PTPRD: variants seen among roughly 807,000 people sequenced by gnomAD.
PTPRD encodes the protein receptor-type tyrosine-protein phosphatase delta.
In PTPRD, 34 loss-of-function variants were observed where a neutral mutation model predicts 214.5. That is an observed-to-expected ratio of 0.16 (90% confidence interval 0.12 to 0.21). The LOEUF is 0.21. Ranked by LOEUF, PTPRD falls within the 10% of genes least tolerant of loss-of-function variation. The pLI, the probability that PTPRD is intolerant of heterozygous loss-of-function variation, is 1.00. For missense variants in PTPRD, 2,545 were observed against 2,398.7 expected (o/e 1.06, Z -1.27); for synonymous variants, 1,128 against 845.7 (o/e 1.33, Z -5.79).
chr9:8,443,558 T>C (rs925761457), intron 34 of PTPRD, among the ~76,000 whole-genome samples: 5 of 152,190 alleles, frequency 3.3e-5, no homozygotes, highest in African/African-American at 4.8e-5. Context: ...CAAAACATAT[T>C]AAGGTCATCC....
intron 8 of PTPRD, among the ~76,000 whole-genome samples, chr9:9,479,574 T>A (rs995228729): frequency 1.3e-5 from 2 of 152,162 alleles, no homozygotes; most frequent in Non-Finnish European, 2.9e-5. Context: ...ATTAACTTGC[T>A]TTTTCTATAT....
chr9:9,038,751 T>G (rs2099630126), intron 10 of PTPRD, among the ~76,000 whole-genome samples: 1 of 151,960 alleles, frequency 6.6e-6, no homozygotes, highest in South Asian at 2.1e-4. Context: ...GAGATGGGAT[T>G]TCACCATGTT....
intron 11 of PTPRD, among the ~76,000 whole-genome samples, chr9:8,870,275 C>G (rs1325460297): frequency 6.6e-6 from 1 of 151,982 alleles, no homozygotes; most frequent in Non-Finnish European, 1.5e-5. Context: ...ACAGACCCCT[C>G]AAAATAACCT....
At chr9:10,076,824 C>T (rs998858935) in intron 3 of PTPRD, among the ~76,000 whole-genome samples, 5 of 152,146 alleles carry the variant, frequency 3.3e-5, no homozygotes, top group African/African-American at 1.2e-4. Flanking sequence ...GCTAAATAAA[C>T]CTAGCGCACA....
At chr9:9,106,181 T>C (rs1166556559) in intron 10 of PTPRD, among the ~76,000 whole-genome samples, 1 of 152,086 alleles carries the variant, frequency 6.6e-6, no homozygotes, top group South Asian at 2.1e-4. Context: ...TTCAGGTACA[T>C]AGTTTCATTT....
chr9:9,501,607 G>A (rs1452864498), intron 8 of PTPRD, among the ~76,000 whole-genome samples: 2 of 151,854 alleles, frequency 1.3e-5, no homozygotes, highest in Non-Finnish European at 2.9e-5. Context: ...CTGGAGAATA[G>A]ATTTTCTTTC....
At chr9:8,853,712 G>C (rs907045211) in intron 11 of PTPRD, among the ~76,000 whole-genome samples, 6 of 152,184 alleles carry the variant, frequency 3.9e-5, no homozygotes, top group Admixed American at 3.3e-4. Flanking sequence ...CAATCTTGTA[G>C]TTCACAGAGA....
At chr9:9,088,939 C>T (rs979845246) in intron 10 of PTPRD, among the ~76,000 whole-genome samples, 2 of 152,058 alleles carry the variant, frequency 1.3e-5, no homozygotes, top group African/African-American at 4.8e-5. Context: ...TATTGTAAAA[C>T]ACCTAGGACT....
intron 14 of PTPRD, among the ~76,000 whole-genome samples, chr9:8,570,389 A>C (rs920954799): frequency 6.6e-6 from 1 of 152,170 alleles, no homozygotes; most frequent in African/African-American, 2.4e-5. Flanking sequence ...TTTCAAAAGC[A>C]ACAATTTAAT....
intron 2 of PTPRD, among the ~76,000 whole-genome samples, chr9:10,353,792 G>A (rs185808875): frequency 1.4e-4 from 21 of 151,924 alleles, no homozygotes; most frequent in South Asian, 1.0e-3. Context: ...AAAAAAAGGC[G>A]TTGGAATAAT....
intron 10 of PTPRD, among the ~76,000 whole-genome samples, chr9:9,047,904 T>C (rs922861802): frequency 1.1e-4 from 16 of 152,032 alleles, no homozygotes. Context: ...TTAAAAACCA[T>C]TCTCAAAGCA....
chr9:9,582,781 GC>G (rs1413171183), intron 7 of PTPRD, among the ~76,000 whole-genome samples: 2 of 151,906 alleles, frequency 1.3e-5, no homozygotes, highest in African/African-American at 4.8e-5. Flanking sequence ...TTCTGAACCT[GC>G]TATAATGTAT....
At chr9:9,333,504 T>TTTTATATATATATATATATATATA (rs544075539) in intron 9 of PTPRD, among the ~76,000 whole-genome samples, 3 of 137,248 alleles carry the variant, frequency 2.2e-5, no homozygotes, top group African/African-American at 8.8e-5. Context: ...ATATAGTATA[T>TTTTATATATATATATATATATATA]TATATATATA....
At chr9:10,280,656 T>A (rs1010625537) in intron 3 of PTPRD, among the ~76,000 whole-genome samples, 19 of 152,096 alleles carry the variant, frequency 1.2e-4, no homozygotes, top group Non-Finnish European at 2.4e-4. Flanking sequence ...TAGGCTGGAG[T>A]GCTGTGGCAC....
chr9:10,097,862 A>G (rs1223512277), intron 3 of PTPRD, among the ~76,000 whole-genome samples: 1 of 151,616 alleles, frequency 6.6e-6, no homozygotes, highest in Non-Finnish European at 1.5e-5. Flanking sequence ...TCAGTATGAT[A>G]TTGGCTGTAG....
rs1457919044 is a variant in PTPRD, at chr9:9,344,768, A to T, written c.-203+52681T>A. On this transcript the variant is annotated intron_variant, in intron 9 of 45. Transcript: ENST00000381196. Reference sequence around the variant, plus strand: ...AATATATTTAATATTTTTTATTTTGAAAAAGTTTTATAATTTATTTAAAAA... The same window carrying T: ...AATATATTTAATATTTTTTATTTTGTAAAAGTTTTATAATTTATTTAAAAA... Among the ~76,000 whole-genome samples the T allele has an allele frequency of 6.4e-4, 97 of 152,054 alleles. 1 individual carries two copies. Among genetic ancestry groups the T allele is most frequent in the Non-Finnish European group, 7.4e-5 (5 of 68,010 alleles).
chr9:10,595,799 T>C (rs1162369792), intron 2 of PTPRD, among the ~76,000 whole-genome samples: 2 of 151,754 alleles, frequency 1.3e-5, no homozygotes, highest in African/African-American at 4.8e-5. Flanking sequence ...AAGCTAATAT[T>C]CCATTATATA....
chr9:10,145,471 T>C (rs1252099409), intron 3 of PTPRD, among the ~76,000 whole-genome samples: 1 of 152,168 alleles, frequency 6.6e-6, no homozygotes, highest in African/African-American at 2.4e-5. Context: ...TATTTTCTCT[T>C]ACTTATAGTT....
intron 12 of PTPRD, among the ~76,000 whole-genome samples, chr9:8,663,576 C>A (rs1358202519): frequency 1.3e-5 from 2 of 152,026 alleles, no homozygotes; most frequent in African/African-American, 2.4e-5. Flanking sequence ...CTGCAACCTA[C>A]GCCTTCTGGG....
Sources: allele counts gnomAD v4.1 joint callset (sites outside exome capture counted in the v4.1 genomes callset), GRCh38; gene constraint gnomAD v4.1.1; transcripts MANE v1.5; gene names NCBI Gene and HGNC (gene_info 2026-07-23, HGNC 2026-07-21).